DLG2: variants seen among roughly 807,000 people sequenced by gnomAD.
The protein encoded by DLG2 is discs large MAGUK scaffold protein 2, also known as disks large homolog 2.
In DLG2, 45 loss-of-function variants were observed where a neutral mutation model predicts 132.5. That is an observed-to-expected ratio of 0.34 (90% CI 0.27 to 0.44). The LOEUF is 0.44. Ranked by LOEUF, DLG2 falls within the 20% of genes least tolerant of loss-of-function variation. DLG2 has a pLI of 1.00. For missense variants in DLG2, 1,045 were observed against 1,196.9 expected (o/e 0.87, Z 1.87); for synonymous variants, 424 against 419.6 (o/e 1.01, Z -0.13).
chr11:84,513,742 T>C (rs184035082), intron 7 of DLG2, among the ~76,000 whole-genome samples: 3 of 151,120 alleles, frequency 2.0e-5, no homozygotes, highest in East Asian at 1.9e-4. Context: ...CAAGAAAACA[T>C]TGAAAAAAAC....
At chr11:84,332,924 T>C (rs1269212813) in intron 7 of DLG2, among the ~76,000 whole-genome samples, 1 of 152,150 alleles carries the variant, frequency 6.6e-6, no homozygotes, top group Non-Finnish European at 1.5e-5. Context: ...AGAGGGAGTA[T>C]TCAATAAGTC....
chr11:85,121,816 T>C (rs1420742902), intron 5 of DLG2, among the ~76,000 whole-genome samples: 1 of 152,200 alleles, frequency 6.6e-6, no homozygotes, highest in East Asian at 1.9e-4. Flanking sequence ...CAACTATTTA[T>C]TGTGAAATGC....
intron 3 of DLG2, among the ~76,000 whole-genome samples, chr11:85,477,233 C>A (rs1244320702): frequency 1.3e-5 from 2 of 152,140 alleles, no homozygotes; most frequent in Non-Finnish European, 2.9e-5. Context: ...AAAATGCATG[C>A]ATGTTTCTAG....
intron 3 of DLG2, among the ~76,000 whole-genome samples, chr11:85,377,830 T>TATATATGTGTGTATAC (rs2085546278): frequency 6.7e-6 from 1 of 149,522 alleles, no homozygotes; most frequent in South Asian, 2.1e-4. Context: ...TGTGTATACA[T>TATATATGTGTGTATAC]ATATATGTGT....
At chr11:85,105,555 T>C (rs1455098027) in intron 6 of DLG2, among the ~76,000 whole-genome samples, 1 of 151,968 alleles carries the variant, frequency 6.6e-6, no homozygotes, top group Non-Finnish European at 1.5e-5. Context: ...CTCTGGATTC[T>C]TTTCCAGTCC....
intron 21 of DLG2, among the ~76,000 whole-genome samples, chr11:83,509,824 G>C (rs1199101053): frequency 6.6e-6 from 1 of 151,942 alleles, no homozygotes; most frequent in Non-Finnish European, 1.5e-5. Context: ...AAGCTGAAAG[G>C]GCTGAGAGAT....
At chr11:85,625,622 AG>A (rs1157952491) in intron 2 of DLG2, among the ~76,000 whole-genome samples, 2 of 152,228 alleles carry the variant, frequency 1.3e-5, no homozygotes, top group Admixed American at 1.3e-4. Context: ...CACCATGCAG[AG>A]ATAAGTTCCA....
chr11:83,902,600 C>A (rs544779213), intron 15 of DLG2, among the ~76,000 whole-genome samples: 4 of 152,250 alleles, frequency 2.6e-5, no homozygotes, highest in East Asian at 3.9e-4. Context: ...AAGCTCTAAG[C>A]AAATTGTAAA....
intron 6 of DLG2, among the ~76,000 whole-genome samples, chr11:84,588,556 G>A (rs1417696097): frequency 6.6e-6 from 1 of 152,060 alleles, no homozygotes; most frequent in African/African-American, 2.4e-5. Flanking sequence ...TTTTGTCAGA[G>A]GCATTTGAAC....
intron 6 of DLG2, among the ~76,000 whole-genome samples, chr11:84,684,523 G>A (rs927078227): frequency 5.9e-5 from 9 of 152,110 alleles, no homozygotes; most frequent in Admixed American, 5.2e-4. Context: ...AACTCTATGG[G>A]TACCCTTCTC....
At position 84,304,011 on chromosome 11, in the gene DLG2, C is replaced by T. The variant is rs150164766; in HGVS notation, c.520-52720G>A. 3.1e-3 allele frequency among the ~76,000 whole-genome samples: 469 copies of T among 152,258 alleles called. 3 individuals carry two copies. Among genetic ancestry groups the T allele is most frequent in the Non-Finnish European group, 4.6e-3 (314 of 68,022 alleles). On this transcript the variant is annotated intron_variant, in intron 7 of 27. Coordinates refer to ENST00000376104, the MANE Select transcript of DLG2 (RefSeq NM_001142699.3). ...AAACAGGTAAATAAGACAGGTCATG[C>T]TCTAAGGAAATTCAGGTTAATGGCG...
chr11:85,161,845 G>A (rs1184574944), intron 4 of DLG2, among the ~76,000 whole-genome samples: 2 of 152,188 alleles, frequency 1.3e-5, no homozygotes, highest in East Asian at 3.9e-4. Context: ...GGCTTTGTAT[G>A]CTCTGAATCA....
chr11:85,063,895 G>A (rs933301693), intron 6 of DLG2, among the ~76,000 whole-genome samples: 9 of 151,728 alleles, frequency 5.9e-5, no homozygotes, highest in Middle Eastern at 3.2e-3. Context: ...ACTCATCTGG[G>A]TTCTGTGGTG....
chr11:83,672,455 G>T (rs1176699179), intron 18 of DLG2, among the ~76,000 whole-genome samples: 1 of 152,154 alleles, frequency 6.6e-6, no homozygotes, highest in African/African-American at 2.4e-5. Context: ...GAGATTGCAG[G>T]TGTGAGCCAC....
chr11:85,610,818 A>G (rs1405483949), intron 2 of DLG2, among the ~76,000 whole-genome samples: 2 of 152,238 alleles, frequency 1.3e-5, no homozygotes, highest in Non-Finnish European at 2.9e-5. Context: ...AATACAGCCT[A>G]TACTGGCTTA....
chr11:85,541,651 G>A lies in DLG2; in HGVS notation c.40+57006C>T, dbSNP rs571029050. ...TTATGGAACAATTCATAGAGTGAGT[G>A]CAAAAAAACACAGATTTGAAGTCAT... On this transcript the variant is annotated intron_variant, in intron 3 of 27. Coordinates refer to ENST00000376104, the MANE Select transcript of DLG2 (RefSeq NM_001142699.3). 3.9e-5 allele frequency among the ~76,000 whole-genome samples: 6 copies of A among 152,032 alleles called. No homozygotes were observed. In the South Asian group the frequency reaches 1.2e-3, roughly 32 times the overall value.
At chr11:84,297,689 C>CAACAAA (rs2098109723) in intron 7 of DLG2, among the ~76,000 whole-genome samples, 1 of 152,020 alleles carries the variant, frequency 6.6e-6, no homozygotes, top group African/African-American at 2.4e-5. Flanking sequence ...TAAAGGAGTC[C>CAACAAA]AATGGCTTTT....
intron 4 of DLG2, among the ~76,000 whole-genome samples, chr11:85,223,431 T>A (rs564814335): frequency 6.6e-6 from 1 of 152,092 alleles, no homozygotes; most frequent in African/African-American, 2.4e-5. Flanking sequence ...GTCCAGGAGT[T>A]CCAGACAAGC....
intron 6 of DLG2, among the ~76,000 whole-genome samples, chr11:84,882,057 A>G (rs1404446673): frequency 1.3e-5 from 2 of 152,116 alleles, no homozygotes; most frequent in Non-Finnish European, 2.9e-5. Flanking sequence ...TGGTCACTTT[A>G]TGGAATTCTT....
Sources: allele counts gnomAD v4.1 joint callset (sites outside exome capture counted in the v4.1 genomes callset), GRCh38; gene constraint gnomAD v4.1.1; transcripts MANE v1.5; gene names NCBI Gene and HGNC (gene_info 2026-07-23, HGNC 2026-07-21).